The following AFF3 variants were observed in gnomAD, a reference collection of about 807,000 sequenced individuals.
The protein encoded by AFF3 is ALF transcription elongation factor 3.
A neutral mutation model predicts 129.7 loss-of-function variants in AFF3; 32 were observed. That is an observed-to-expected ratio of 0.25 (90% CI 0.19 to 0.33). The LOEUF is 0.33. Among genes scored for constraint, AFF3 ranks in the 10% least tolerant of loss-of-function variants. The probability of loss-of-function intolerance (pLI) is 1.00; values close to 1 mark genes in which losing one functional copy is unlikely to be tolerated. For missense variants in AFF3, 1,373 were observed against 1,592.0 expected (o/e 0.86, Z 2.34); for synonymous variants, 644 against 635.4 (o/e 1.01, Z -0.20).
In AFF3 at chr2:99,684,728, C is replaced by T. The variant is rs373751629; in HGVS notation, c.1092-12139G>A. 1.3e-4 allele frequency among the ~76,000 whole-genome samples: 19 copies of T among 151,768 alleles called. No individual in the cohort carries two copies. The East Asian group carries it at 2.1e-3, about 17-fold the overall frequency. On this transcript the variant is annotated intron_variant, in intron 11 of 24. Coordinates refer to ENST00000672756, the MANE Select transcript of AFF3 (RefSeq NM_001386135.1). ...CTGGTTTCCAGTGATCCTCCCACCT[C>T]GGCCTCCCAAAGTGCTGCGATTACA... is the stretch of plus-strand genomic sequence containing the variant.
chr2:99,870,156 C>A (rs554604657), intron 7 of AFF3, among the ~76,000 whole-genome samples: 17 of 152,342 alleles, frequency 1.1e-4, no homozygotes, highest in African/African-American at 4.1e-4. Flanking sequence ...TCTGCCCCAG[C>A]CTTAGCCTCT....
intron 7 of AFF3, among the ~76,000 whole-genome samples, chr2:99,846,349 C>T (rs530667114): frequency 1.2e-4 from 19 of 152,232 alleles, no homozygotes; most frequent in African/African-American, 4.3e-4. Flanking sequence ...AGGTTGGTCT[C>T]GAACTCCTGA....
chr2:99,936,396 A>G (rs1674527917), intron 7 of AFF3, among the ~76,000 whole-genome samples: 1 of 152,124 alleles, frequency 6.6e-6, no homozygotes, highest in South Asian at 2.1e-4. Flanking sequence ...TAATCAGACC[A>G]CCCAGAAATG....
intron 18 of AFF3, among the ~76,000 whole-genome samples, chr2:99,577,861 GC>G (rs1287888163): frequency 6.6e-6 from 1 of 152,110 alleles, no homozygotes; most frequent in Non-Finnish European, 1.5e-5. Context: ...AAGGATGATG[GC>G]ATTTTTCTTC....
At chr2:99,877,837 A>G (rs1692414819) in intron 7 of AFF3, among the ~76,000 whole-genome samples, 1 of 152,210 alleles carries the variant, frequency 6.6e-6, no homozygotes, top group South Asian at 2.1e-4. Context: ...TGCACTATTC[A>G]TTCATGCAAT....
At chr2:100,014,783 CTTT>C (rs60456923) in intron 4 of AFF3, among the ~76,000 whole-genome samples, 11 of 120,394 alleles carry the variant, frequency 9.1e-5, no homozygotes, top group African/African-American at 2.0e-4. Flanking sequence ...ACCTTGCTTC[CTTT>C]TTTTTTTTTT....
chr2:99,600,669 T>C (rs1679742253), intron 14 of AFF3, among the ~76,000 whole-genome samples: 1 of 152,226 alleles, frequency 6.6e-6, no homozygotes, highest in Non-Finnish European at 1.5e-5. Context: ...TTTTACTCCT[T>C]GTTTAGAAAT....
intron 8 of AFF3, among the ~76,000 whole-genome samples, chr2:99,788,787 T>C (rs962467377): frequency 5.9e-5 from 9 of 152,236 alleles, no homozygotes; most frequent in East Asian, 5.8e-4. Context: ...CTTCCAGTCC[T>C]GTAAGCTCCT....
chr2:99,834,104 C>T (rs12466247), intron 8 of AFF3, among the ~76,000 whole-genome samples: 93,762 of 151,892 alleles, frequency 0.62, 30,312 homozygotes, highest in South Asian at 0.79. Context: ...CTGGCACTTC[C>T]GAATCATAAA....
intron 2 of AFF3, among the ~76,000 whole-genome samples, chr2:100,119,491 G>A (rs1178856920): frequency 6.6e-6 from 1 of 152,218 alleles, no homozygotes; most frequent in African/African-American, 2.4e-5. Flanking sequence ...TCAAAGCCCT[G>A]TGAAAAGTCA....
intron 4 of AFF3, among the ~76,000 whole-genome samples, chr2:100,016,677 C>T (rs1469443376): frequency 1.7e-5 from 2 of 120,174 alleles, no homozygotes; most frequent in Non-Finnish European, 3.5e-5. Context: ...GGTGATGGTA[C>T]TGGCAGTGAT....
chr2:99,562,028 G>C lies in AFF3; in HGVS notation c.3120-1592C>G, dbSNP rs1675520568. Among the ~76,000 whole-genome samples the C allele has an allele frequency of 2.0e-5, 3 of 152,198 alleles. No homozygotes were observed. In the South Asian group the frequency reaches 6.2e-4, roughly 31 times the overall value. On this transcript the variant is annotated intron_variant, in intron 20 of 24. Coordinates refer to ENST00000672756, the MANE Select transcript of AFF3 (RefSeq NM_001386135.1). Reference sequence around the variant, plus strand: ...AGCCTGCATGGTTTCAGAGAAGCCTGCTGTCATTCGAATTGATTCTCCCCT... The same window carrying C: ...AGCCTGCATGGTTTCAGAGAAGCCTCCTGTCATTCGAATTGATTCTCCCCT...
rs190747250 is a variant in AFF3 at position 99,777,542 on chromosome 2, A to G, written c.922-25241T>C. Among the ~76,000 whole-genome samples, 180 of 152,182 alleles carry G rather than the reference A, an allele frequency of 1.2e-3. 1 individual carries two copies. The highest frequency in any genetic ancestry group is 4.1e-3 in the African/African-American group (172 of 41,504). On this transcript the variant is annotated intron_variant, in intron 8 of 24. Coordinates refer to ENST00000672756, the MANE Select transcript of AFF3 (RefSeq NM_001386135.1). The stretch of plus-strand genomic sequence containing the variant: ...TTCTCAAAGGAGTACACCGCACTGG[A>G]TATTTATGTCCTTAGTTGGGTTGGG...
At chr2:99,657,799 T>C (rs544608192) in intron 12 of AFF3, among the ~76,000 whole-genome samples, 67 of 152,334 alleles carry the variant, frequency 4.4e-4, no homozygotes, top group African/African-American at 1.5e-3. Context: ...AGAAAAATGC[T>C]GATTAGGGTT....
chr2:99,631,994 C>T (rs1035473822), intron 13 of AFF3, among the ~76,000 whole-genome samples: 19 of 140,612 alleles, frequency 1.4e-4, no homozygotes, highest in Admixed American at 5.1e-4. Context: ...AATTTATCCA[C>T]AACCTTGCCA....
chr2:100,037,855 T>C (rs1354025297), intron 4 of AFF3, among the ~76,000 whole-genome samples: 2 of 142,902 alleles, frequency 1.4e-5, no homozygotes, highest in Non-Finnish European at 3.0e-5. Context: ...AATAAACATA[T>C]ATAATATATA....
intron 12 of AFF3, among the ~76,000 whole-genome samples, chr2:99,662,502 G>A (rs1439435436): frequency 2.0e-5 from 3 of 152,034 alleles, no homozygotes; most frequent in African/African-American, 7.2e-5. Context: ...GGGATTTCCT[G>A]GCATTGAAAA....
rs140754676 is a variant in AFF3 at position 100,029,210 on chromosome 2, T to C, written c.54-20278A>G. ...TTTGGAGACAGGGTCCCTAAAGAGG[T>C]GTTTAAGTTAAAATTGGGTCATTAG... is the stretch of plus-strand genomic sequence containing the variant. On this transcript the variant is annotated intron_variant, in intron 4 of 24. Coordinates refer to ENST00000672756, the MANE Select transcript of AFF3 (RefSeq NM_001386135.1). Among the ~76,000 whole-genome samples, 9 of 152,034 alleles carry C rather than the reference T, an allele frequency of 5.9e-5. 1 individual carries two copies. In the South Asian group the frequency reaches 6.2e-4, roughly 11 times the overall value.
intron 8 of AFF3, among the ~76,000 whole-genome samples, chr2:99,763,286 A>C (rs771387093): frequency 2.0e-5 from 3 of 152,240 alleles, no homozygotes; most frequent in Non-Finnish European, 2.9e-5. Flanking sequence ...TTGGCCTCTA[A>C]ATCAACAAAA....
Sources: allele counts gnomAD v4.1 joint callset (sites outside exome capture counted in the v4.1 genomes callset), GRCh38; gene constraint gnomAD v4.1.1; transcripts MANE v1.5; gene names NCBI Gene and HGNC (gene_info 2026-07-23, HGNC 2026-07-21).